THSD7B: variants seen among roughly 807,000 people sequenced by gnomAD.
THSD7B encodes thrombospondin type-1 domain-containing protein 7B.
A neutral mutation model predicts 213.6 loss-of-function variants in THSD7B; 138 were observed. The observed-to-expected ratio is 0.65, with a 90% confidence interval of 0.56 to 0.74. The LOEUF (loss-of-function observed/expected upper bound fraction) is 0.74. Among genes scored for constraint, THSD7B ranks in the 30% least tolerant of loss-of-function variants. The pLI is 0.00. For missense variants in THSD7B, 1,931 were observed against 1,991.5 expected, an observed-to-expected ratio of 0.97 and a Z score of 0.58; for synonymous variants, 742 against 687.0, an observed-to-expected ratio of 1.08 and a Z score of -1.25.
chr2:136,892,058 C>T (rs978850854), intron 2 of THSD7B, among the ~76,000 whole-genome samples: 1 of 151,872 alleles, frequency 6.6e-6, no homozygotes, highest in African/African-American at 2.4e-5. Flanking sequence ...TGTGTGGTCT[C>T]GCCATATGGA....
At chr2:137,461,381 C>G (rs762628917) in intron 15 of THSD7B, among the ~76,000 whole-genome samples, 2 of 151,924 alleles carry the variant, frequency 1.3e-5, no homozygotes, top group Non-Finnish European at 2.9e-5. Context: ...GACCTGACAC[C>G]CTGAAAAATA....
chr2:137,555,872 T>C (rs576068179), intron 15 of THSD7B, among the ~76,000 whole-genome samples: 2 of 152,246 alleles, frequency 1.3e-5, no homozygotes, highest in African/African-American at 4.8e-5. Context: ...CTGAAAACCA[T>C]GGCATGAGAA....
intron 1 of THSD7B, among the ~76,000 whole-genome samples, chr2:136,873,752 A>G (rs1230564413): frequency 6.6e-6 from 1 of 152,258 alleles, no homozygotes; most frequent in East Asian, 1.9e-4. Context: ...ACTGTCAGGC[A>G]CTCATCTATA....
intron 12 of THSD7B, among the ~76,000 whole-genome samples, chr2:137,300,919 A>C (rs1394027421): frequency 6.6e-6 from 1 of 152,094 alleles, no homozygotes; most frequent in Non-Finnish European, 1.5e-5. Flanking sequence ...ATGTGGGGAA[A>C]AATGGAAGCT....
intron 17 of THSD7B, among the ~76,000 whole-genome samples, chr2:137,601,881 C>A (rs1682081503): frequency 6.6e-6 from 1 of 152,226 alleles, no homozygotes; most frequent in Admixed American, 6.5e-5. Flanking sequence ...GAGCCAACAT[C>A]TGTATCCTTT....
intron 5 of THSD7B, among the ~76,000 whole-genome samples, chr2:137,135,842 G>A (rs1274983336): frequency 6.9e-6 from 1 of 143,936 alleles, no homozygotes; most frequent in African/African-American, 2.5e-5. Flanking sequence ...AGAGTTATAT[G>A]CTACACTAAA....
At chr2:137,672,946 C>T (rs879392971) in intron 27 of THSD7B, among the ~76,000 whole-genome samples, 2 of 152,162 alleles carry the variant, frequency 1.3e-5, no homozygotes, top group Non-Finnish European at 2.9e-5. Flanking sequence ...TTGCTGTTAA[C>T]CTAGATGTAG....
chr2:137,447,800 A>G (rs902444792), intron 14 of THSD7B, among the ~76,000 whole-genome samples: 1 of 152,164 alleles, frequency 6.6e-6, no homozygotes, highest in Non-Finnish European at 1.5e-5. Flanking sequence ...AAAGAAAGAA[A>G]GAAAGAGAAA....
intron 3 of THSD7B, among the ~76,000 whole-genome samples, chr2:137,066,143 G>T (rs1687374859): frequency 6.9e-6 from 1 of 145,620 alleles, no homozygotes; most frequent in African/African-American, 2.5e-5. Flanking sequence ...CTTTATTTTT[G>T]AAGTATAATT....
chr2:136,994,966 A>T (rs925870666), intron 2 of THSD7B, among the ~76,000 whole-genome samples: 13 of 152,210 alleles, frequency 8.5e-5, no homozygotes, highest in African/African-American at 2.4e-4. Context: ...CAGCTAAAGC[A>T]TGTGCTTTCA....
At chr2:136,843,647 G>A (rs574157868) in intron 1 of THSD7B, among the ~76,000 whole-genome samples, 1 of 152,230 alleles carries the variant, frequency 6.6e-6, no homozygotes, top group African/African-American at 2.4e-5. Flanking sequence ...TGGTACTGGT[G>A]GCTTGCATCT....
At chr2:137,663,781 A>G (rs952813512) in intron 26 of THSD7B, among the ~76,000 whole-genome samples, 2 of 152,220 alleles carry the variant, frequency 1.3e-5, no homozygotes, top group African/African-American at 4.8e-5. Flanking sequence ...GAATGGTTGA[A>G]CGTAAGTCTC....
intron 5 of THSD7B, among the ~76,000 whole-genome samples, chr2:137,141,908 T>C (rs1679594620): frequency 6.6e-6 from 1 of 152,136 alleles, no homozygotes; most frequent in Non-Finnish European, 1.5e-5. Context: ...ATGTAGTAGA[T>C]ACAATGAATT....
chr2:137,046,730 CAAAAAAAAAAAA>C (rs59928985), intron 2 of THSD7B, among the ~76,000 whole-genome samples: 1 of 44,312 alleles, frequency 2.3e-5, no homozygotes, highest in African/African-American at 8.4e-5. Context: ...AACTCCGTCT[CAAAAAAAAAAAA>C]AAAAAAAAAA....
chr2:137,341,886 C>T (rs1684769953), intron 12 of THSD7B, among the ~76,000 whole-genome samples: 1 of 151,536 alleles, frequency 6.6e-6, no homozygotes, highest in Non-Finnish European at 1.5e-5. Flanking sequence ...CATAGTAAAA[C>T]TTGATATCAG....
intron 2 of THSD7B, among the ~76,000 whole-genome samples, chr2:136,987,765 A>C (rs1297538552): frequency 6.6e-6 from 1 of 152,184 alleles, no homozygotes; most frequent in Non-Finnish European, 1.5e-5. Context: ...CAAATATTTT[A>C]CACCTACTCA....
Position 137,677,527 on chromosome 2 carries a change from C to T in THSD7B, c.*922C>T, listed in dbSNP as rs1177532303. The T allele has an allele frequency of 1.3e-5, 2 of 152,560 alleles. No individual in the cohort carries two copies. The highest frequency in any genetic ancestry group is 6.5e-5 in the Admixed American group (1 of 15,278). The allele number at this position is 152,560 out of a possible 1,614,324, so 9.5% of individuals were successfully genotyped here. On this transcript the variant is annotated 3_prime_UTR_variant, in exon 28 of 28. Coordinates refer to ENST00000409968, the MANE Select transcript of THSD7B (RefSeq NM_001316349.2). Reference sequence around the variant, plus strand: ...TAATTATCTGACCTCATTTAATATACATCAAACACCGATCCTGTTTGTACA... The same window carrying T: ...TAATTATCTGACCTCATTTAATATATATCAAACACCGATCCTGTTTGTACA...
chr2:137,558,250 G>A (rs1469328677), intron 15 of THSD7B, among the ~76,000 whole-genome samples: 1 of 152,060 alleles, frequency 6.6e-6, no homozygotes, highest in African/African-American at 2.4e-5. Context: ...GCCTGGCAGA[G>A]ACACAACAAA....
chr2:136,840,760 T>G (rs902441576), intron 1 of THSD7B, among the ~76,000 whole-genome samples: 1 of 152,048 alleles, frequency 6.6e-6, no homozygotes, highest in African/African-American at 2.4e-5. Flanking sequence ...GGATGGTATA[T>G]GGAGAAGTGA....
Sources: allele counts gnomAD v4.1 joint callset (sites outside exome capture counted in the v4.1 genomes callset), GRCh38; gene constraint gnomAD v4.1.1; transcripts MANE v1.5; gene names NCBI Gene and HGNC (gene_info 2026-07-23, HGNC 2026-07-21).